Variants in EPB41L4B observed in about 807,000 individuals in gnomAD.
EPB41L4B encodes erythrocyte membrane protein band 4.1 like 4B, also known as band 4.1-like protein 4B.
A neutral mutation model predicts 112.5 loss-of-function variants in EPB41L4B; 30 were observed. The observed-to-expected ratio is 0.27, with a 90% CI of 0.20 to 0.36. The LOEUF (loss-of-function observed/expected upper bound fraction) is 0.36. EPB41L4B is among the 10% of genes least tolerant of loss of function. EPB41L4B has a pLI of 1.00. For synonymous variants in EPB41L4B, 408 were observed against 439.7 expected (o/e 0.93, Z 0.90); for missense variants, 1,024 against 1,133.3 (o/e 0.90, Z 1.38).
intron 3 of EPB41L4B, 99 bp downstream of exon 3, chr9:109,268,292 C>T: frequency 1.8e-6 from 2 of 1,104,468 alleles, no homozygotes; most frequent in Admixed American, 2.8e-5. Context: ...TTTTAAAATG[C>T]TTCCAAGTTC....
At chr9:109,199,600 C>T (rs7036265) in intron 20 of EPB41L4B, among the ~76,000 whole-genome samples, 62,256 of 151,858 alleles carry the variant, frequency 0.41, 12,880 homozygotes, top group East Asian at 0.5. Context: ...ACCTGGGAGG[C>T]GGATTGCAGT....
intron 22 of EPB41L4B, among the ~76,000 whole-genome samples, chr9:109,185,960 T>C (rs10979735): frequency 0.12 from 17,593 of 152,030 alleles, 1,578 homozygotes; most frequent in African/African-American, 0.24. Flanking sequence ...TGGCACGCGG[T>C]TGAGGGTTCT....
At chr9:109,315,724 T>A (rs1340728855) in intron 1 of EPB41L4B, among the ~76,000 whole-genome samples, 1 of 152,216 alleles carries the variant, frequency 6.6e-6, no homozygotes, top group Non-Finnish European at 1.5e-5. Context: ...ATAAGCCATA[T>A]GACCTTTATG....
At chr9:109,221,095 A>G (rs1243667698) in intron 15 of EPB41L4B, among the ~76,000 whole-genome samples, 1 of 152,142 alleles carries the variant, frequency 6.6e-6, no homozygotes, top group African/African-American at 2.4e-5. Context: ...TCCCCCAACT[A>G]TTTATCCAGT....
intron 14 of EPB41L4B, among the ~76,000 whole-genome samples, chr9:109,247,423 C>T (rs2118989859): frequency 6.6e-6 from 1 of 152,208 alleles, no homozygotes; most frequent in East Asian, 1.9e-4. Context: ...CTAAAACACA[C>T]TTTGACCAAA....
rs1374468703 is a variant in EPB41L4B at position 109,267,461 on chromosome 9, A to C, written c.533+12T>G. On this transcript the variant is annotated intron_variant, in intron 4 of 25. Coordinates refer to ENST00000374566, the MANE Select transcript of EPB41L4B (RefSeq NM_019114.5). ...CCTGCTGGGCGGGAGCTTGTTCTGC[A>C]TCGTGGCCTACCTTGTAAACTCCTC... is the stretch of plus-strand genomic sequence containing the variant. The C allele has an allele frequency of 1.3e-6, 2 of 1,597,212 alleles. No individual in the cohort carries two copies. The highest frequency in any genetic ancestry group is 2.7e-5 in the African/African-American group (2 of 74,556).
At chr9:109,251,557 C>T (rs189326245) in intron 12 of EPB41L4B, 46 bp from the exon 13 acceptor site, 38 of 1,567,868 alleles carry the variant, frequency 2.4e-5, no homozygotes, top group Admixed American at 3.3e-5. Context: ...AGAACTTTAT[C>T]GCTTTCACCA....
chr9:109,193,568 AC>A (rs1305094146), intron 21 of EPB41L4B, among the ~76,000 whole-genome samples: 1 of 152,172 alleles, frequency 6.6e-6, no homozygotes, highest in Non-Finnish European at 1.5e-5. Context: ...TCCTGCACGC[AC>A]CTTTTCTCTG....
intron 18 of EPB41L4B, among the ~76,000 whole-genome samples, chr9:109,204,194 T>C (rs1202748627): frequency 6.6e-6 from 1 of 152,198 alleles, no homozygotes; most frequent in Non-Finnish European, 1.5e-5. Flanking sequence ...TCATATGATT[T>C]TGAGAGAAAC....
chr9:109,297,640 C>T (rs1447036986), intron 1 of EPB41L4B, among the ~76,000 whole-genome samples: 1 of 152,258 alleles, frequency 6.6e-6, no homozygotes, highest in African/African-American at 2.4e-5. Flanking sequence ...CCTCCCACAG[C>T]ATCCCTGCGG....
intron 2 of EPB41L4B, among the ~76,000 whole-genome samples, chr9:109,278,817 C>G (rs148194607): frequency 6.6e-6 from 1 of 152,242 alleles, no homozygotes; most frequent in African/African-American, 2.4e-5. Context: ...TTTAGATTGT[C>G]GAATAAATTA....
At chr9:109,303,192 AGG>A (rs1837044270) in intron 1 of EPB41L4B, among the ~76,000 whole-genome samples, 1 of 152,226 alleles carries the variant, frequency 6.6e-6, no homozygotes, top group East Asian at 1.9e-4. Flanking sequence ...AGAAAAAAAG[AGG>A]CAAGAATATA....
intron 15 of EPB41L4B, among the ~76,000 whole-genome samples, chr9:109,224,082 C>T (rs1315592372): frequency 6.6e-6 from 1 of 151,968 alleles, no homozygotes; most frequent in Admixed American, 6.6e-5. Context: ...AACTCCTATA[C>T]ACTGCTGGAG....
At chr9:109,226,326 G>A (rs1588149959) in intron 15 of EPB41L4B, among the ~76,000 whole-genome samples, 1 of 152,138 alleles carries the variant, frequency 6.6e-6, no homozygotes, top group South Asian at 2.1e-4. Flanking sequence ...TGAGTTCTCT[G>A]TGGCTCCAGC....
intron 1 of EPB41L4B, among the ~76,000 whole-genome samples, chr9:109,316,353 A>ACAGGGCAACGGGAGGCGGGG (rs1254851605): frequency 6.6e-6 from 1 of 152,238 alleles, no homozygotes; most frequent in Non-Finnish European, 1.5e-5. Flanking sequence ...CACTGAGCAC[A>ACAGGGCAACGGGAGGCGGGG]CAGGGCAACG....
intron 22 of EPB41L4B, among the ~76,000 whole-genome samples, chr9:109,190,477 C>G (rs1351212937): frequency 6.6e-6 from 1 of 152,200 alleles, no homozygotes; most frequent in Non-Finnish European, 1.5e-5. Flanking sequence ...GGCTGAGTCT[C>G]CTAGACCAAG....
At chr9:109,262,452 G>T (rs4978788) in intron 6 of EPB41L4B, among the ~76,000 whole-genome samples, 8,445 of 148,944 alleles carry the variant, frequency 0.057, 433 homozygotes, top group African/African-American at 0.13. Context: ...TGTGTGTGGG[G>T]GTGTGTGTGT....
In EPB41L4B at chr9:109,173,412, T is replaced by TTG. The variant is rs1831698170; in HGVS notation, c.*1141_*1142insCA. 1 of 45,434 alleles carries TTG rather than the reference T, an allele frequency of 2.2e-5. No individual in the cohort carries two copies. Among genetic ancestry groups the TTG allele is most frequent in the African/African-American group, 9.8e-5 (1 of 10,156 alleles). 2.8% of individuals were successfully genotyped at this position (45,434 alleles called of 1,614,324 possible). On this transcript the variant is annotated 3_prime_UTR_variant, in exon 26 of 26. Transcript: ENST00000374566. ...GGGAATAATCCAAAAGAAGGAGCAGTTTTTTTTTTTTACAGACATTCATAG... is the reference window on the plus strand; with the variant it reads ...GGGAATAATCCAAAAGAAGGAGCAGTTGTTTTTTTTTTTACAGACATTCATAG...
intron 7 of EPB41L4B, among the ~76,000 whole-genome samples, chr9:109,257,751 T>C (rs1368316774): frequency 1.3e-5 from 2 of 152,196 alleles, no homozygotes; most frequent in East Asian, 1.9e-4. Context: ...TCCCAACACT[T>C]TGGGAGGCTG....
Sources: allele counts gnomAD v4.1 joint callset (sites outside exome capture counted in the v4.1 genomes callset), GRCh38; gene constraint gnomAD v4.1.1; transcripts MANE v1.5; gene names NCBI Gene and HGNC (gene_info 2026-07-23, HGNC 2026-07-21).